PARD3B: variants seen among roughly 807,000 people sequenced by gnomAD.
PARD3B encodes the protein par-3 family cell polarity regulator beta, also known as partitioning defective 3 homolog B.
In PARD3B, 103 loss-of-function variants were observed where a neutral mutation model predicts 130.2. The observed-to-expected ratio is 0.79, with a 90% confidence interval of 0.67 to 0.93. The LOEUF (loss-of-function observed/expected upper bound fraction) is 0.93. Ranked by LOEUF, PARD3B falls within the 40% of genes least tolerant of loss-of-function variation. The probability of loss-of-function intolerance (pLI) is 0.00; values close to 1 mark genes in which losing one functional copy is unlikely to be tolerated. For missense variants in PARD3B, 1,609 were observed against 1,499.2 expected (o/e 1.07, Z -1.21); for synonymous variants, 583 against 553.2 (o/e 1.05, Z -0.76).
intron 1 of PARD3B, among the ~76,000 whole-genome samples, chr2:204,587,077 G>T (rs2032857163): frequency 6.6e-6 from 1 of 152,180 alleles, no homozygotes; most frequent in Admixed American, 6.5e-5. Flanking sequence ...GTTTTAGGAA[G>T]TTAGTGACTC....
At chr2:204,934,151 C>A (rs991292705) in intron 2 of PARD3B, among the ~76,000 whole-genome samples, 2 of 152,196 alleles carry the variant, frequency 1.3e-5, no homozygotes, top group Non-Finnish European at 2.9e-5. Context: ...CTCTCTTCTG[C>A]ATCACTCTGC....
At chr2:205,068,441 T>TA (rs550298987) in intron 4 of PARD3B, among the ~76,000 whole-genome samples, 36 of 152,308 alleles carry the variant, frequency 2.4e-4, no homozygotes, top group Middle Eastern at 3.4e-3. Context: ...ACTATTAGTT[T>TA]AAAAAATTGT....
chr2:204,611,515 T>G (rs1163820184), intron 1 of PARD3B, among the ~76,000 whole-genome samples: 1 of 152,194 alleles, frequency 6.6e-6, no homozygotes, highest in Non-Finnish European at 1.5e-5. Context: ...TCTCGTGGTA[T>G]GTAAATAAAA....
rs2053445642 is a variant in PARD3B at position 205,568,544 on chromosome 2, A to T, written c.3260+15141A>T. Among the ~76,000 whole-genome samples the T allele has an allele frequency of 6.6e-6, 1 of 152,212 alleles. No homozygotes were observed. Among genetic ancestry groups the T allele is most frequent in the South Asian group, 2.1e-4 (1 of 4,828 alleles). On this transcript the variant is annotated intron_variant, in intron 22 of 22. Coordinates refer to ENST00000406610, the MANE Select transcript of PARD3B (RefSeq NM_001302769.2). This position sits in a 1 kb window ranked among gnomAD's most constrained non-coding sequence, Gnocchi z 5.3. The stretch of plus-strand genomic sequence containing the variant: ...GATTAGGAAAGCCTCTGGAAAAATT[A>T]AACTTGGTACTGAGTTGCCTGACTC...
intron 1 of PARD3B, among the ~76,000 whole-genome samples, chr2:204,681,337 T>C (rs2036822988): frequency 6.6e-6 from 1 of 152,212 alleles, no homozygotes; most frequent in Admixed American, 6.5e-5. Context: ...ATTAAAGGTT[T>C]ATAATTCTAT....
At chr2:205,559,685 G>A (rs1401579602) in intron 22 of PARD3B, among the ~76,000 whole-genome samples, 2 of 132,798 alleles carry the variant, frequency 1.5e-5, no homozygotes, top group African/African-American at 2.9e-5. Flanking sequence ...CGCAACTTCC[G>A]CCTCCCAAGT....
intron 22 of PARD3B, among the ~76,000 whole-genome samples, chr2:205,567,228 A>C (rs1194052623): frequency 6.6e-6 from 1 of 151,920 alleles, no homozygotes; most frequent in African/African-American, 2.4e-5. Flanking sequence ...GGAAGGGAAC[A>C]GAATGGAAAA....
chr2:204,697,331 G>A (rs1329184374), intron 2 of PARD3B, among the ~76,000 whole-genome samples: 3 of 152,126 alleles, frequency 2.0e-5, no homozygotes, highest in African/African-American at 4.8e-5. Context: ...AGAAGAGAGG[G>A]TTCAGAGGGA....
chr2:204,947,725 C>G (rs1376371695), intron 2 of PARD3B, among the ~76,000 whole-genome samples: 4 of 152,160 alleles, frequency 2.6e-5, no homozygotes, highest in African/African-American at 9.6e-5. Flanking sequence ...TGCATTTTAC[C>G]TGCAAGATAA....
intron 2 of PARD3B, among the ~76,000 whole-genome samples, chr2:204,945,391 G>C (rs1243655546): frequency 6.6e-6 from 1 of 152,180 alleles, no homozygotes; most frequent in African/African-American, 2.4e-5. Context: ...AGACCAGCTA[G>C]CTCGGGTAGT....
chr2:205,099,868 G>A (rs1702634021), intron 4 of PARD3B, among the ~76,000 whole-genome samples: 1 of 152,084 alleles, frequency 6.6e-6, no homozygotes, highest in South Asian at 2.1e-4. Flanking sequence ...CTTCGGCAAG[G>A]GAAAGTGTTT....
rs556300002 is a variant in PARD3B, at chr2:204,740,588, A to C, written c.222+54306A>C. On this transcript the variant is annotated intron_variant, in intron 2 of 22. Transcript: ENST00000406610. ...TAGAATGGCCAAGGCTTCAATAGCC[A>C]GGGAGACTCAAAAGATTGAAATCTA... is the stretch of plus-strand genomic sequence containing the variant. Among the ~76,000 whole-genome samples the C allele has an allele frequency of 3.3e-5, 5 of 152,320 alleles. No homozygotes were observed. In the South Asian group the frequency reaches 1.0e-3, roughly 32 times the overall value.
chr2:205,290,850 G>T (rs769289316), intron 16 of PARD3B, among the ~76,000 whole-genome samples: 2 of 152,140 alleles, frequency 1.3e-5, no homozygotes, highest in East Asian at 3.9e-4. Flanking sequence ...TCTAAAAGAG[G>T]CCCCAGAAAG....
intron 2 of PARD3B, among the ~76,000 whole-genome samples, chr2:204,959,356 A>G (rs531486122): frequency 1.3e-5 from 2 of 152,228 alleles, no homozygotes; most frequent in African/African-American, 4.8e-5. Context: ...TATGTGCCAC[A>G]TTTTCTTTAT....
chr2:204,822,660 G>T (rs2043407981), intron 2 of PARD3B, among the ~76,000 whole-genome samples: 1 of 152,114 alleles, frequency 6.6e-6, no homozygotes, highest in Non-Finnish European at 1.5e-5. Flanking sequence ...CCCTGTTAAT[G>T]ATACTGAGTA....
Position 204,545,727 on chromosome 2 carries a change from G to GAGGAGC in PARD3B, c.-272_-267dup. The GAGGAGC allele has an allele frequency of 5.5e-6, 1 of 182,676 alleles. No individual in the cohort carries two copies. Among genetic ancestry groups the GAGGAGC allele is most frequent in the Non-Finnish European group, 8.5e-6 (1 of 117,750 alleles). 11.3% of individuals were successfully genotyped at this position (182,676 alleles called of 1,614,324 possible). On this transcript the variant is annotated 5_prime_UTR_variant, in exon 1 of 23. Coordinates refer to ENST00000406610, the MANE Select transcript of PARD3B (RefSeq NM_001302769.2). ...GGAGTAGGAGCGGGAGGAGGAGGAG[G>GAGGAGC]AGGAGCCGGTGCCGCGGAGCTGCCG...
chr2:204,984,483 T>G (rs1692956237), intron 3 of PARD3B, among the ~76,000 whole-genome samples: 1 of 152,168 alleles, frequency 6.6e-6, no homozygotes, highest in Admixed American at 6.5e-5. Flanking sequence ...GCCAGGGCCC[T>G]TAGGAGAAGT....
chr2:205,000,880 G>A (rs1694777534), intron 3 of PARD3B, among the ~76,000 whole-genome samples: 1 of 152,086 alleles, frequency 6.6e-6, no homozygotes. Flanking sequence ...TAACATTAGG[G>A]CCTTAGGGTT....
At chr2:204,946,335 C>T (rs557748199) in intron 2 of PARD3B, among the ~76,000 whole-genome samples, 4 of 152,210 alleles carry the variant, frequency 2.6e-5, no homozygotes, top group Non-Finnish European at 4.4e-5. Context: ...TTAATCCTTC[C>T]TCATTTATTG....
Sources: allele counts gnomAD v4.1 joint callset (sites outside exome capture counted in the v4.1 genomes callset), GRCh38; gene constraint gnomAD v4.1.1; non-coding constraint Gnocchi (gnomAD v3.1); transcripts MANE v1.5; gene names NCBI Gene and HGNC (gene_info 2026-07-23, HGNC 2026-07-21).